Variants in CACNG3 observed in about 807,000 individuals in gnomAD.
CACNG3 encodes the protein calcium voltage-gated channel auxiliary subunit gamma 3.
Under a neutral mutation model 28.5 loss-of-function variants are expected in CACNG3, and 3 were observed. That is an observed-to-expected ratio of 0.11 (90% CI 0.05 to 0.27). The LOEUF is 0.27. Ranked by LOEUF, CACNG3 falls within the 10% of genes least tolerant of loss-of-function variation. CACNG3 has a pLI of 1.00. For synonymous variants in CACNG3, 174 were observed against 162.2 expected, an observed-to-expected ratio of 1.07 and a Z score of -0.55; for missense variants, 236 against 414.4, an observed-to-expected ratio of 0.57 and a Z score of 3.74.
At chr16:24,308,839 C>CAAA (rs71154298) in intron 1 of CACNG3, among the ~76,000 whole-genome samples, 122 of 27,284 alleles carry the variant, frequency 4.5e-3, no homozygotes, top group East Asian at 0.011. Context: ...GAACCTACCT[C>CAAA]AAAAAAAAAA....
intron 1 of CACNG3, among the ~76,000 whole-genome samples, chr16:24,329,041 A>T (rs2141372934): frequency 1.3e-5 from 2 of 152,212 alleles, no homozygotes; most frequent in Middle Eastern, 6.8e-3. Context: ...GGGGGAGGAG[A>T]CACCGCCCTG....
intron 1 of CACNG3, among the ~76,000 whole-genome samples, chr16:24,279,141 G>A (rs1898788161): frequency 6.6e-6 from 1 of 152,128 alleles, no homozygotes; most frequent in Admixed American, 6.5e-5. Flanking sequence ...TCTTTGGGAG[G>A]CACGTTAAGT....
chr16:24,317,670 A>AAG (rs1899395246), intron 1 of CACNG3, among the ~76,000 whole-genome samples: 1 of 100,420 alleles, frequency 1.0e-5, no homozygotes, highest in Non-Finnish European at 2.0e-5. Context: ...GAAAGAAAGA[A>AAG]AGAAAGAAAG....
At chr16:24,306,498 A>G (rs1022736643) in intron 1 of CACNG3, among the ~76,000 whole-genome samples, 2 of 152,060 alleles carry the variant, frequency 1.3e-5, no homozygotes, top group African/African-American at 2.4e-5. Flanking sequence ...ACTAATAAAG[A>G]TTCCTTCCAC....
chr16:24,290,160 A>T (rs1385406002), intron 1 of CACNG3, among the ~76,000 whole-genome samples: 1 of 152,262 alleles, frequency 6.6e-6, no homozygotes, highest in Non-Finnish European at 1.5e-5. Context: ...TTGTGGATTT[A>T]TACCCATCTT....
intron 1 of CACNG3, among the ~76,000 whole-genome samples, chr16:24,301,206 G>GA (rs745765634): frequency 0.03 from 2,992 of 98,100 alleles, 99 homozygotes; most frequent in African/African-American, 0.085. Flanking sequence ...GTGAGACTCT[G>GA]AAAAAAAAAA....
intron 1 of CACNG3, among the ~76,000 whole-genome samples, chr16:24,331,079 A>G (rs898488568): frequency 6.6e-6 from 1 of 152,040 alleles, no homozygotes. Flanking sequence ...TGACTATTCT[A>G]CCTAATTGGT....
At chr16:24,307,678 C>G (rs1453636553) in intron 1 of CACNG3, among the ~76,000 whole-genome samples, 2 of 152,190 alleles carry the variant, frequency 1.3e-5, no homozygotes. Context: ...AACTCTACCA[C>G]AGCTCTCTCC....
chr16:24,270,306 C>A (rs1211099381), intron 1 of CACNG3, among the ~76,000 whole-genome samples: 2 of 152,184 alleles, frequency 1.3e-5, no homozygotes, highest in Non-Finnish European at 2.9e-5. Context: ...TGACCCTTTG[C>A]AAATTACAGG....
intron 2 of CACNG3, 89 bp from the exon 3 acceptor site, chr16:24,354,744 C>G (rs1900005294): frequency 2.3e-6 from 3 of 1,330,888 alleles, no homozygotes; most frequent in Non-Finnish European, 3.1e-6. Context: ...TCCTGTGCTG[C>G]CTTCCTCTCA....
At chr16:24,342,462 A>G (rs1014591975) in intron 1 of CACNG3, among the ~76,000 whole-genome samples, 2 of 152,206 alleles carry the variant, frequency 1.3e-5, no homozygotes, top group Non-Finnish European at 2.9e-5. Flanking sequence ...TACATCTTCT[A>G]TCCCAGGAAG....
rs200040220 is a variant in CACNG3, at chr16:24,361,452, T to C, written c.537T>C (p.Phe179=). 137 of 1,614,158 alleles carry C rather than the reference T, an allele frequency of 8.5e-5. 1 individual carries two copies. Among genetic ancestry groups the C allele is most frequent in the Non-Finnish European group, 4.2e-6 (5 of 1,180,030 alleles). The change falls in exon 4 of 4, where the codon TTT becomes TTC. Residue 179 remains phenylalanine, a synonymous_variant. Transcript: ENST00000005284. The surrounding 1 kb of genome is among the most constrained non-coding windows in gnomAD (Gnocchi z 6.8). ...AAAGTTACTCCTATGGTTGGTCCTTTTATTTCGGAGCCTTCTCTTTCATCA... is the reference window on the plus strand; with the variant it reads ...AAAGTTACTCCTATGGTTGGTCCTTCTATTTCGGAGCCTTCTCTTTCATCA... The part of the protein sequence containing the change: ...SKKSYSYGWS[F]YFGAFSFIIA...
intron 1 of CACNG3, among the ~76,000 whole-genome samples, chr16:24,324,092 A>C (rs1258273347): frequency 1.3e-5 from 2 of 152,070 alleles, no homozygotes; most frequent in African/African-American, 2.4e-5. Flanking sequence ...TCTTATATAC[A>C]TTTTTTATTG....
intron 1 of CACNG3, among the ~76,000 whole-genome samples, chr16:24,292,105 C>T (rs541956618): frequency 1.3e-4 from 19 of 151,986 alleles, no homozygotes; most frequent in Admixed American, 7.9e-4. Context: ...AGCGGATAAC[C>T]GGGCAGGCGG....
chr16:24,275,259 A>G (rs562796385), intron 1 of CACNG3, among the ~76,000 whole-genome samples: 61 of 152,282 alleles, frequency 4.0e-4, no homozygotes, highest in African/African-American at 1.3e-3. Context: ...AGGCAAAAAC[A>G]ATGGTAGGTA....
chr16:24,324,243 C>T (rs1343229916), intron 1 of CACNG3, among the ~76,000 whole-genome samples: 1 of 152,184 alleles, frequency 6.6e-6, no homozygotes, highest in Non-Finnish European at 1.5e-5. Context: ...CCCGCATCTG[C>T]CTTGCTTGTA....
chr16:24,266,682 T>A (rs1898612779), intron 1 of CACNG3, among the ~76,000 whole-genome samples: 1 of 152,140 alleles, frequency 6.6e-6, no homozygotes, highest in African/African-American at 2.4e-5. Flanking sequence ...TGCTGAAGCT[T>A]TTTCTAAAAT....
At position 24,347,821 on chromosome 16, in the gene CACNG3, G is replaced by T. The variant is rs7189275; in HGVS notation, c.295+1004G>T. ...ACCCTTGTTTGACTCTACTAGCTGG[G>T]TTGGACTTGAGGCAAGGGGCTTTAC... On this transcript the variant is annotated intron_variant, in intron 2 of 3. Transcript: ENST00000005284. 7.2e-3 allele frequency among the ~76,000 whole-genome samples: 1,095 copies of T among 152,298 alleles called. 16 individuals carry two copies. Among genetic ancestry groups the T allele is most frequent in the African/African-American group, 0.025 (1,023 of 41,558 alleles).
intron 1 of CACNG3, among the ~76,000 whole-genome samples, chr16:24,312,977 A>AG (rs1466638908): frequency 4.0e-5 from 6 of 150,430 alleles, no homozygotes; most frequent in African/African-American, 1.5e-4. Flanking sequence ...AAAGAAAGAA[A>AG]GAAATAAAAG....
Sources: gnomAD v4.1 joint callset for allele counts (sites outside exome capture counted in the v4.1 genomes callset) on GRCh38, gnomAD v4.1.1 for gene constraint, Gnocchi (gnomAD v3.1) non-coding constraint, MANE v1.5 for transcripts, NCBI Gene and HGNC (gene_info 2026-07-23, HGNC 2026-07-21) for gene names.